The following CTTNBP2 variants were observed in gnomAD, a reference collection of about 807,000 sequenced individuals.
The protein encoded by CTTNBP2 is cortactin binding protein 2.
CTTNBP2 carries 108 observed loss-of-function variants against 156.9 expected under a neutral mutation model. That is an observed-to-expected ratio of 0.69 (90% CI 0.59 to 0.81). The LOEUF is 0.81. CTTNBP2 is among the 30% of genes least tolerant of loss of function. The pLI is 0.00. For missense variants in CTTNBP2, 1,924 were observed against 2,035.4 expected (o/e 0.95, Z 1.05); for synonymous variants, 767 against 751.8 (o/e 1.02, Z -0.33).
intron 2 of CTTNBP2, among the ~76,000 whole-genome samples, chr7:117,842,621 A>G (rs1286942785): frequency 1.3e-5 from 2 of 152,230 alleles, no homozygotes; most frequent in Non-Finnish European, 2.9e-5. Context: ...TAATGTGTAA[A>G]AAGTGTCCTC....
At chr7:117,740,033 T>C (rs950538198) in intron 14 of CTTNBP2, among the ~76,000 whole-genome samples, 4 of 152,180 alleles carry the variant, frequency 2.6e-5, no homozygotes, top group Non-Finnish European at 5.9e-5. Context: ...CCCAAGTCCA[T>C]ACTTTATACT....
chr7:117,850,804 G>A (rs1437337070), intron 2 of CTTNBP2, among the ~76,000 whole-genome samples: 3 of 152,070 alleles, frequency 2.0e-5, no homozygotes, highest in Admixed American at 6.5e-5. Context: ...TATCACAAAT[G>A]CAACTTATTA....
chr7:117,751,773 C>G (rs894859448), intron 12 of CTTNBP2, among the ~76,000 whole-genome samples: 2 of 152,180 alleles, frequency 1.3e-5, no homozygotes, highest in African/African-American at 2.4e-5. Flanking sequence ...TTGGGTATTA[C>G]AGCTACTTCA....
chr7:117,870,057 TG>T (rs1186054258), intron 1 of CTTNBP2, among the ~76,000 whole-genome samples: 1 of 152,226 alleles, frequency 6.6e-6, no homozygotes, highest in African/African-American at 2.4e-5. Context: ...CATCCTTCTA[TG>T]GAAGTTTCTA....
chr7:117,791,748 A>G lies in CTTNBP2; in HGVS notation c.1448T>C (p.Val483Ala), dbSNP rs543977136. The G allele has an allele frequency of 5.6e-6, 9 of 1,614,194 alleles. No individual in the cohort carries two copies. In the Admixed American group the frequency reaches 8.3e-5, roughly 15 times the overall value. Residue 483 changes from valine (V) to alanine (A), a missense_variant, in exon 4 of 23, where the codon GTG becomes GCG. Transcript: ENST00000160373. ...AGTATTCCGAGCTAGTTGTTTGGCC[A>G]CTAGGTTGTCACGACTTGTAGGCGA... is the stretch of plus-strand genomic sequence containing the variant. ...DVSPTSRDNL[V>A]AKQLARNTVT...
chr7:117,817,439 C>G (rs1016486974), intron 2 of CTTNBP2, among the ~76,000 whole-genome samples: 1 of 140,106 alleles, frequency 7.1e-6, no homozygotes, highest in African/African-American at 2.6e-5. Flanking sequence ...ATGTCGTAAG[C>G]AGGAAGTTGA....
In CTTNBP2 at chr7:117,735,537, A is replaced by G. The variant is rs1795640892; in HGVS notation, c.3536-116T>C. 14 of 839,506 alleles carry G rather than the reference A, an allele frequency of 1.7e-5. No homozygotes were observed. In the East Asian group the frequency reaches 3.5e-4, roughly 21 times the overall value. 52.0% of individuals were successfully genotyped at this position (839,506 alleles called of 1,614,324 possible). A position where few individuals can be genotyped will look rare whatever the true frequency, so the allele number is the denominator to read the frequency against. The stretch of plus-strand genomic sequence containing the variant: ...TTAGCAAAGATGTGGTATAATGGGA[A>G]TGTTCTTAAATTGCTTGGGGAGTGA... On this transcript the variant is annotated intron_variant, in intron 14 of 22. Coordinates refer to ENST00000160373, the MANE Select transcript of CTTNBP2 (RefSeq NM_033427.3).
rs772806857 is a variant in CTTNBP2 at position 117,792,529 on chromosome 7, T to C, written c.667A>G (p.Met223Val). The change falls in exon 4 of 23, where the codon ATG (methionine) becomes GTG (valine). Residue 223 changes from methionine to valine, a missense_variant. Physicochemically the swap from Met to Val is conservative, Grantham distance 21. Coordinates refer to ENST00000160373, the MANE Select transcript of CTTNBP2 (RefSeq NM_033427.3). The surrounding 1 kb of genome is among the most constrained non-coding windows in gnomAD (Gnocchi z 4.2). ...AGTTGTTTTTCCATCTGAGCTTCCA[T>C]TTCTGTGCTTCTTCGTTTCTCAGCG... Reference protein sequence around the residue: ...LSAEKRRSTEMEAQMEKQLSE... With the variant: ...LSAEKRRSTEVEAQMEKQLSE... 4.3e-6 allele frequency: 7 copies of C among 1,614,194 alleles called. No individual in the cohort carries two copies. The South Asian group carries it at 4.4e-5, about 10-fold the overall frequency.
intron 22 of CTTNBP2, chr7:117,714,015 G>A (rs879608628): frequency 6.6e-5 from 10 of 152,150 alleles, no homozygotes; most frequent in African/African-American, 1.2e-4. Context: ...AAAAACAGAT[G>A]GGCTCGGTTT....
chr7:117,822,134 AT>A (rs1261481258), intron 2 of CTTNBP2, among the ~76,000 whole-genome samples: 2 of 152,046 alleles, frequency 1.3e-5, no homozygotes, highest in African/African-American at 2.4e-5. Flanking sequence ...TATAAGTGGT[AT>A]TTTTTCAAGA....
At chr7:117,741,271 A>G (rs534940962) in intron 14 of CTTNBP2, among the ~76,000 whole-genome samples, 71 of 152,304 alleles carry the variant, frequency 4.7e-4, no homozygotes, top group African/African-American at 1.7e-3. Context: ...GACTGCCTAG[A>G]TATGGGGAGT....
At chr7:117,777,979 C>T (rs947397667) in intron 7 of CTTNBP2, among the ~76,000 whole-genome samples, 13 of 152,100 alleles carry the variant, frequency 8.5e-5, no homozygotes, top group Admixed American at 6.6e-4. Flanking sequence ...CTCATGTTTG[C>T]TATTTTGTAA....
At chr7:117,724,522 C>A in intron 19 of CTTNBP2, 25 bp downstream of exon 19, 1 of 1,576,074 alleles carries the variant, frequency 6.3e-7, no homozygotes, top group Admixed American at 1.9e-5. Flanking sequence ...TCCTGGTAGG[C>A]AACATGCCTA....
intron 22 of CTTNBP2, among the ~76,000 whole-genome samples, chr7:117,717,593 C>G (rs1411705590): frequency 1.3e-5 from 2 of 151,562 alleles, no homozygotes; most frequent in Non-Finnish European, 3.0e-5. Flanking sequence ...TTCATTCTGT[C>G]TACATTACCC....
chr7:117,824,146 A>G (rs182094057), intron 2 of CTTNBP2, among the ~76,000 whole-genome samples: 40 of 150,514 alleles, frequency 2.7e-4, no homozygotes, highest in African/African-American at 9.3e-4. Context: ...GCCTGAGGTC[A>G]GGTAGATTTT....
At chr7:117,720,885 G>A (rs1025501076) in intron 20 of CTTNBP2, among the ~76,000 whole-genome samples, 182 bp downstream of exon 20, 5 of 152,054 alleles carry the variant, frequency 3.3e-5, no homozygotes, top group Admixed American at 6.5e-5. Context: ...CAATTTAGAC[G>A]TTATCCAAAG....
chr7:117,804,904 A>G (rs1211350043), intron 3 of CTTNBP2, among the ~76,000 whole-genome samples: 6 of 152,208 alleles, frequency 3.9e-5, no homozygotes, highest in Non-Finnish European at 7.3e-5. Context: ...CATCTTGCAC[A>G]TGTGCCCTGG....
At chr7:117,736,173 G>C (rs1795676177) in intron 14 of CTTNBP2, among the ~76,000 whole-genome samples, 1 of 152,150 alleles carries the variant, frequency 6.6e-6, no homozygotes, top group South Asian at 2.1e-4. Flanking sequence ...ATGTAGACAG[G>C]GCCAGGCGCA....
Position 117,719,709 on chromosome 7 carries a change from T to C in CTTNBP2, c.4512-73A>G, listed in dbSNP as rs200405061. On this transcript the variant is annotated intron_variant, in intron 20 of 22. Coordinates refer to ENST00000160373, the MANE Select transcript of CTTNBP2 (RefSeq NM_033427.3). Reference sequence around the variant, plus strand: ...AATTTGGAAATCTAGACACTGTACCTTTTTTGGGATTTGGTGTGGGGTAGG... The same window carrying C: ...AATTTGGAAATCTAGACACTGTACCCTTTTTGGGATTTGGTGTGGGGTAGG... 5.7e-5 allele frequency: 73 copies of C among 1,282,638 alleles called. No homozygotes were observed. The East Asian group carries it at 1.8e-3, about 31-fold the overall frequency. 79.5% of individuals were successfully genotyped at this position (1,282,638 alleles called of 1,614,324 possible). A position where few individuals can be genotyped will look rare whatever the true frequency, so the allele number is the denominator to read the frequency against.
Sources: allele counts gnomAD v4.1 joint callset (sites outside exome capture counted in the v4.1 genomes callset), GRCh38; gene constraint gnomAD v4.1.1; non-coding constraint Gnocchi (gnomAD v3.1); transcripts MANE v1.5; gene names NCBI Gene and HGNC (gene_info 2026-07-23, HGNC 2026-07-21).